Variants in ANKS3 observed in about 807,000 individuals in gnomAD.
ANKS3 encodes the protein ankyrin repeat and SAM domain-containing protein 3.
In ANKS3, 62 loss-of-function variants were observed where a neutral mutation model predicts 80.7. That is an observed-to-expected ratio of 0.77 (90% CI 0.63 to 0.95). ANKS3 has a LOEUF of 0.95. Ranked by LOEUF, ANKS3 falls within the 40% of genes least tolerant of loss-of-function variation. The probability of loss-of-function intolerance (pLI) is 0.00; values close to 1 mark genes in which losing one functional copy is unlikely to be tolerated. For missense variants in ANKS3, 1,150 were observed against 883.6 expected (o/e 1.30, Z -3.82); for synonymous variants, 489 against 355.3 (o/e 1.38, Z -4.23).
At chr16:4,700,931 G>A (rs373611584) in intron 11 of ANKS3, 39 bp downstream of exon 11, 17 of 1,612,218 alleles carry the variant, frequency 1.1e-5, no homozygotes, top group South Asian at 3.3e-5. Context: ...AAAAAGTGCC[G>A]TCTCTGAGTG....
At chr16:4,719,813 A>T (rs1245652770) in intron 6 of ANKS3, among the ~76,000 whole-genome samples, 10 of 152,060 alleles carry the variant, frequency 6.6e-5, no homozygotes, top group Admixed American at 2.0e-4. Flanking sequence ...AATAAATAAA[A>T]AATACAAAAA....
chr16:4,697,215 C>T, intron 16 of ANKS3, 111 bp from the exon 17 acceptor site: 2 of 1,554,686 alleles, frequency 1.3e-6, no homozygotes, highest in East Asian at 2.3e-5. Flanking sequence ...GTTATGGCCC[C>T]AGCCCCGAGG....
chr16:4,719,858 G>C (rs2080996346), intron 6 of ANKS3, among the ~76,000 whole-genome samples: 1 of 151,962 alleles, frequency 6.6e-6, no homozygotes. Flanking sequence ...CAAATGGCCA[G>C]GGAGCCAAAA....
chr16:4,720,239 G>A (rs1421877921), intron 6 of ANKS3, among the ~76,000 whole-genome samples: 9 of 146,240 alleles, frequency 6.2e-5, no homozygotes, highest in African/African-American at 1.8e-4. Flanking sequence ...CAAGGCGGGC[G>A]GGTCACAAGG....
chr16:4,701,376 T>A (rs2079893442), intron 10 of ANKS3, 58 bp downstream of exon 10: 2 of 1,481,504 alleles, frequency 1.3e-6, no homozygotes, highest in Non-Finnish European at 1.8e-6. Context: ...AACTGGGGGA[T>A]GTCAGGCATC....
intron 13 of ANKS3, 29 bp downstream of exon 13, chr16:4,698,771 G>A: frequency 6.4e-7 from 1 of 1,572,894 alleles, no homozygotes; most frequent in Non-Finnish European, 8.6e-7. Context: ...GTGTCACCCT[G>A]CCCCCCCATC....
At chr16:4,712,300 G>A (rs1208338959) in intron 7 of ANKS3, among the ~76,000 whole-genome samples, 1 of 152,050 alleles carries the variant, frequency 6.6e-6, no homozygotes, top group Non-Finnish European at 1.5e-5. Flanking sequence ...GAACTCAGGA[G>A]GCGGAGGTTG....
intron 6 of ANKS3, 86 bp from the exon 7 acceptor site, chr16:4,714,272 C>G (rs2080656627): frequency 3.2e-6 from 5 of 1,550,862 alleles, no homozygotes; most frequent in Non-Finnish European, 4.4e-6. Flanking sequence ...GACAGAAGGG[C>G]ATATGCTGGT....
intron 3 of ANKS3, 45 bp downstream of exon 3, chr16:4,729,935 C>A (rs758834160): frequency 1.4e-6 from 2 of 1,437,216 alleles, no homozygotes; most frequent in African/African-American, 2.9e-5. Flanking sequence ...GAAGCCATCA[C>A]TGCGCTGCTC....
At chr16:4,723,932 G>A (rs2081230545) in intron 6 of ANKS3, among the ~76,000 whole-genome samples, 1 of 152,034 alleles carries the variant, frequency 6.6e-6, no homozygotes, top group South Asian at 2.1e-4. Flanking sequence ...ATGGTAGCAT[G>A]CACCTGTAGT....
chr16:4,710,216 C>G (rs1033727571), intron 7 of ANKS3, among the ~76,000 whole-genome samples: 3 of 152,070 alleles, frequency 2.0e-5, no homozygotes, highest in African/African-American at 7.2e-5. Context: ...AGTGACTATA[C>G]GGAACAACAG....
intron 7 of ANKS3, among the ~76,000 whole-genome samples, chr16:4,705,936 T>TC (rs1276354835): frequency 6.6e-6 from 1 of 151,962 alleles, no homozygotes; most frequent in Non-Finnish European, 1.5e-5. Context: ...CTTTTTTTTT[T>TC]TTCTTTTGAG....
chr16:4,727,216 C>A, intron 3 of ANKS3, 39 bp from the exon 4 acceptor site: 2 of 1,604,308 alleles, frequency 1.2e-6, no homozygotes, highest in Non-Finnish European at 1.7e-6. Flanking sequence ...GGCCAGCCGC[C>A]TCGCATGTGG....
chr16:4,700,617 G>T, intron 11 of ANKS3: 1 of 391,266 alleles, frequency 2.6e-6, no homozygotes, highest in East Asian at 6.3e-5. Context: ...CCATCACCAA[G>T]CACACACTGT....
chr16:4,722,790 T>C (rs2081169980), intron 6 of ANKS3, among the ~76,000 whole-genome samples: 1 of 150,434 alleles, frequency 6.6e-6, no homozygotes, highest in Non-Finnish European at 1.5e-5. Context: ...TGCGGGCGGG[T>C]GCCTGCAGTC....
intron 3 of ANKS3, 131 bp downstream of exon 3, chr16:4,729,849 C>G: frequency 1.1e-6 from 1 of 929,560 alleles, no homozygotes; most frequent in Admixed American, 3.1e-5. Context: ...TGACAGCTGC[C>G]TGAGATAAGC....
chr16:4,727,798 C>G (rs1000410146), intron 3 of ANKS3: 1 of 153,346 alleles, frequency 6.5e-6, no homozygotes, highest in African/African-American at 2.4e-5. Context: ...AGAATCCCAT[C>G]TTTCTCACTG....
chr16:4,726,070 G>T (rs2081335906), intron 5 of ANKS3, among the ~76,000 whole-genome samples: 1 of 151,356 alleles, frequency 6.6e-6, no homozygotes, highest in Non-Finnish European at 1.5e-5. Flanking sequence ...CCACCTCCCG[G>T]GTTCACACCA....
At chr16:4,707,505 C>T (rs539541172) in intron 7 of ANKS3, among the ~76,000 whole-genome samples, 133 of 152,222 alleles carry the variant, frequency 8.7e-4, no homozygotes, top group African/African-American at 3.0e-3. Context: ...TGGTCTCGAA[C>T]TCCTGACCTC....
Sources: gnomAD v4.1 joint callset for allele counts (sites outside exome capture counted in the v4.1 genomes callset) on GRCh38, gnomAD v4.1.1 for gene constraint, MANE v1.5 for transcripts, NCBI Gene and HGNC (gene_info 2026-07-23, HGNC 2026-07-21) for gene names.